Variants in SORT1 observed in about 807,000 individuals in gnomAD.
SORT1 encodes the protein sortilin 1, also known as sortilin.
In SORT1, 39 loss-of-function variants were observed where a neutral mutation model predicts 101.7. The ratio of observed to expected loss-of-function variants is 0.38; its 90% CI spans 0.30 to 0.50. The LOEUF is 0.50. Among genes scored for constraint, SORT1 ranks in the 20% least tolerant of loss-of-function variants. SORT1 has a pLI of 0.90. For missense variants in SORT1, 878 were observed against 1,040.4 expected, an observed-to-expected ratio of 0.84 and a Z score of 2.15; for synonymous variants, 396 against 393.7, an observed-to-expected ratio of 1.01 and a Z score of -0.07.
At chr1:109,377,463 A>G (rs1406427303) in intron 1 of SORT1, among the ~76,000 whole-genome samples, 1 of 152,206 alleles carries the variant, frequency 6.6e-6, no homozygotes, top group East Asian at 1.9e-4. Context: ...CTGCTGTCTC[A>G]GTAAATAATG....
rs570330394 is a variant in SORT1, at chr1:109,376,821, C to A, written c.307-7232G>T. Among the ~76,000 whole-genome samples the A allele has an allele frequency of 5.0e-3, 762 of 152,282 alleles. 10 individuals are homozygous for A. The highest frequency in any genetic ancestry group is 0.018 in the African/African-American group (732 of 41,552). ...CTGAGTGATGGGATCATTTGTATCC[C>A]AGCATCGCACAATATACCCAGGTAA... On this transcript the variant is annotated intron_variant, in intron 1 of 19. Coordinates refer to ENST00000256637, the MANE Select transcript of SORT1 (RefSeq NM_002959.7).
chr1:109,396,221 A>C (rs921271229), intron 1 of SORT1, among the ~76,000 whole-genome samples: 1 of 152,256 alleles, frequency 6.6e-6, no homozygotes, highest in Non-Finnish European at 1.5e-5. Flanking sequence ...ATCTAAATCC[A>C]GGAGTAGCAG....
At chr1:109,364,046 T>C (rs1650917683) in intron 3 of SORT1, among the ~76,000 whole-genome samples, 1 of 152,076 alleles carries the variant, frequency 6.6e-6, no homozygotes, top group Non-Finnish European at 1.5e-5. Context: ...AGGGAAGAGA[T>C]AATTAATATT....
At chr1:109,335,001 T>C (rs1444857121) in intron 11 of SORT1, among the ~76,000 whole-genome samples, 1 of 152,100 alleles carries the variant, frequency 6.6e-6, no homozygotes, top group Non-Finnish European at 1.5e-5. Context: ...TGAAGAGGAA[T>C]GATTAGCTCT....
intron 3 of SORT1, among the ~76,000 whole-genome samples, chr1:109,357,738 G>A (rs937381270): frequency 2.0e-5 from 3 of 152,132 alleles, no homozygotes; most frequent in Non-Finnish European, 4.4e-5. Flanking sequence ...ATATGTCTAA[G>A]TTGTCTGAAT....
intron 3 of SORT1, among the ~76,000 whole-genome samples, chr1:109,361,974 C>CT (rs1298090177): frequency 1.3e-5 from 2 of 151,908 alleles, no homozygotes; most frequent in African/African-American, 2.4e-5. Flanking sequence ...CAAGTTTATG[C>CT]TTTTTTTGGG....
chr1:109,355,629 G>A lies in SORT1; in HGVS notation c.441-160C>T, dbSNP rs537747400. Among the ~76,000 whole-genome samples, 43 of 130,508 alleles carry A rather than the reference G, an allele frequency of 3.3e-4. 1 individual carries two copies. Among genetic ancestry groups the A allele is most frequent in the African/African-American group, 1.1e-3 (38 of 34,196 alleles). 85.6% of individuals were successfully genotyped at this position (130,508 alleles called of 152,430 possible). A position where few individuals can be genotyped will look rare whatever the true frequency, so the allele number is the denominator to read the frequency against. ...GCTCCAGAGGTGCCCTGGTGAGTCC[G>A]AAGAACATTCCACCCGCCCCCCCCC... On this transcript the variant is annotated intron_variant, in intron 3 of 19. Coordinates refer to ENST00000256637, the MANE Select transcript of SORT1 (RefSeq NM_002959.7).
chr1:109,391,631 C>T lies in SORT1; in HGVS notation c.306+5956G>A, dbSNP rs141828083. On this transcript the variant is annotated intron_variant, in intron 1 of 19. Coordinates refer to ENST00000256637, the MANE Select transcript of SORT1 (RefSeq NM_002959.7). ...ATAGAGAAGGAAAAACAGCCTCCAT[C>T]TTTCACCTAAAAATTTTCATAGGTA... Among the ~76,000 whole-genome samples, 7 of 152,302 alleles carry T rather than the reference C, an allele frequency of 4.6e-5. No homozygotes were observed. In the East Asian group the frequency reaches 1.3e-3, roughly 29 times the overall value.
chr1:109,379,157 A>G (rs1390011892), intron 1 of SORT1, among the ~76,000 whole-genome samples: 1 of 152,020 alleles, frequency 6.6e-6, no homozygotes, highest in African/African-American at 2.4e-5. Context: ...AGAAAAAAAA[A>G]AAATAGCTGT....
intron 1 of SORT1, chr1:109,392,791 C>T: frequency 5.1e-6 from 5 of 984,596 alleles, no homozygotes; most frequent in Non-Finnish European, 6.0e-6. Flanking sequence ...TCTGACTATA[C>T]ATTGCATGAG....
intron 2 of SORT1, chr1:109,368,495 C>T (rs1651247846): frequency 6.6e-6 from 1 of 152,158 alleles, no homozygotes. Context: ...CTTTAGGCTT[C>T]TAATATAACT....
rs973030149 is a variant in SORT1 at position 109,367,578 on chromosome 1, T to C, written c.367-97A>G. 20 of 733,104 alleles carry C rather than the reference T, an allele frequency of 2.7e-5. No individual in the cohort carries two copies. In the Middle Eastern group the frequency reaches 1.0e-3, roughly 37 times the overall value. 45.4% of individuals were successfully genotyped at this position (733,104 alleles called of 1,614,324 possible). The stretch of plus-strand genomic sequence containing the variant: ...AAGCCAACACCTAAAAGACTTTTGA[T>C]ATCCCTACTTTGTAGTACTCCCCAA... On this transcript the variant is annotated intron_variant, in intron 2 of 19. Transcript: ENST00000256637.
Position 109,350,989 on chromosome 1 carries a change from A to G in SORT1, c.722T>C (p.Val241Ala). Residue 241 changes from valine to alanine, a missense_variant, in exon 6 of 20, where the codon GTG becomes GCG. By Grantham distance (64) the Val-to-Ala change is moderately conservative. This residue lies in a region of SORT1 where 684 missense variants were observed against 894.5 expected (regional missense o/e 0.76). Transcript: ENST00000256637. ...CCATTTTCCCCCAAAATTCTTGGAC[A>G]CCCACAGGCCATTCTGAAAGATTAT... Reference protein sequence around the residue: ...LALSTENGLWVSKNFGGKWEE... With the variant: ...LALSTENGLWASKNFGGKWEE... 1 of 1,610,000 alleles carries G rather than the reference A, an allele frequency of 6.2e-7. No individual in the cohort carries two copies. Among genetic ancestry groups the G allele is most frequent in the Non-Finnish European group, 8.5e-7 (1 of 1,176,178 alleles).
At chr1:109,373,999 G>A (rs1651658514) in intron 1 of SORT1, among the ~76,000 whole-genome samples, 1 of 152,130 alleles carries the variant, frequency 6.6e-6, no homozygotes, top group Non-Finnish European at 1.5e-5. Context: ...TGAGGCAGGA[G>A]GATCTCTTGA....
At chr1:109,346,328 A>G (rs1346269035) in intron 7 of SORT1, among the ~76,000 whole-genome samples, 1 of 151,790 alleles carries the variant, frequency 6.6e-6, no homozygotes, top group East Asian at 1.9e-4. Flanking sequence ...AAAAAAAAAA[A>G]AAAGTGATAC....
chr1:109,385,144 A>G (rs1302239877), intron 1 of SORT1, among the ~76,000 whole-genome samples: 1 of 151,592 alleles, frequency 6.6e-6, no homozygotes, highest in African/African-American at 2.4e-5. Context: ...TAATTAACCC[A>G]CTCCTGGGAT....
intron 1 of SORT1, among the ~76,000 whole-genome samples, chr1:109,370,491 T>C (rs191751520): frequency 3.9e-5 from 6 of 152,180 alleles, no homozygotes; most frequent in South Asian, 4.1e-4. Flanking sequence ...AGGTAATAAC[T>C]GCACTTGGCA....
intron 2 of SORT1, among the ~76,000 whole-genome samples, chr1:109,368,139 C>A (rs1651213874): frequency 6.6e-6 from 1 of 151,612 alleles, no homozygotes; most frequent in South Asian, 2.1e-4. Flanking sequence ...ACTTAAAATA[C>A]AAAAATTAGC....
Position 109,345,762 on chromosome 1 carries a change from T to C in SORT1, c.952A>G (p.Met318Val). The C allele has an allele frequency of 1.2e-6, 2 of 1,613,674 alleles. No individual in the cohort carries two copies. The highest frequency in any genetic ancestry group is 1.7e-6 in the Non-Finnish European group (2 of 1,179,818). ...AGGGCAATACCTACCTTATCAGCCA[T>C]CACAGAGGCAAAAAGGAAACGTCCC... ...LGGRFLFASV[M>V]ADKDTTRRIH... Residue 318 changes from methionine (M) to valine (V), a missense_variant, in exon 8 of 20, where the codon ATG (methionine) becomes GTG (valine). Around this residue, in one of 2 missense-constraint regions of SORT1, gnomAD observed 684 missense variants for 894.5 expected, o/e 0.76. Coordinates refer to ENST00000256637, the MANE Select transcript of SORT1 (RefSeq NM_002959.7).
Sources: allele counts gnomAD v4.1 joint callset (sites outside exome capture counted in the v4.1 genomes callset), GRCh38; gene constraint gnomAD v4.1.1; regional missense constraint gnomAD v4.1.1; transcripts MANE v1.5; gene names NCBI Gene and HGNC (gene_info 2026-07-23, HGNC 2026-07-21).